Variants in CD8A observed in about 807,000 individuals in gnomAD.
The protein encoded by CD8A is CD8 subunit alpha.
In CD8A, 25 loss-of-function variants were observed where a neutral mutation model predicts 24.2. The observed-to-expected ratio is 1.03, with a 90% CI of 0.75 to 1.44. CD8A has a LOEUF of 1.44. Ranked by LOEUF, CD8A falls within the 40% of genes most tolerant of loss-of-function variation. The pLI is 0.00. For missense variants in CD8A, 360 were observed against 319.7 expected, an observed-to-expected ratio of 1.13 and a Z score of -0.96; for synonymous variants, 165 against 149.9, an observed-to-expected ratio of 1.10 and a Z score of -0.74.
rs557262922 is a variant in CD8A, at chr2:86,785,679, C to T, written c.*241G>A. 7.3e-5 allele frequency: 50 copies of T among 682,758 alleles called. No individual in the cohort carries two copies. The South Asian group carries it at 7.3e-4, about 10-fold the overall frequency. The allele number at this position is 682,758 out of a possible 1,614,324, so 42.3% of individuals were successfully genotyped here. ...TAGCTCTGGCCTGCCCCTTTCCACG[C>T]CCTACCGCGATGTGCGCACAACAGT... On this transcript the variant is annotated 3_prime_UTR_variant, in exon 6 of 6. Coordinates refer to ENST00000283635, the MANE Select transcript of CD8A (RefSeq NM_001768.7).
chr2:86,792,585 C>T (rs1297386342), upstream of CD8A, among the ~76,000 whole-genome samples: 4 of 152,058 alleles, frequency 2.6e-5, no homozygotes, highest in Non-Finnish European at 4.4e-5. Context: ...GCCTCTACCT[C>T]CCAGGCTCAA....
chr2:86,793,299 T>G (rs1438837484), upstream of CD8A, among the ~76,000 whole-genome samples: 1 of 152,220 alleles, frequency 6.6e-6, no homozygotes, highest in Non-Finnish European at 1.5e-5. Flanking sequence ...GTAGATATAA[T>G]GTATCTGTAT....
chr2:86,787,884 GGA>G (rs142344123), intron 5 of CD8A, among the ~76,000 whole-genome samples: 55 of 144,684 alleles, frequency 3.8e-4, no homozygotes, highest in Admixed American at 3.2e-3. Context: ...TAACAGAGAG[GGA>G]GAGAGAGAGA....
At chr2:86,793,395 A>G (rs932220017), upstream of CD8A, among the ~76,000 whole-genome samples, 5 of 152,218 alleles carry the variant, frequency 3.3e-5, no homozygotes, top group African/African-American at 1.2e-4. Context: ...AATGATGGTT[A>G]TAACTGGCCT....
At position 86,785,509 on chromosome 2, in the gene CD8A, T is replaced by C. The variant is rs1382928996; in HGVS notation, c.*411A>G. 2.2e-6 allele frequency: 1 copy of C among 463,686 alleles called. No individual in the cohort carries two copies. Among genetic ancestry groups the C allele is most frequent in the African/African-American group, 2.0e-5 (1 of 50,396 alleles). The allele number at this position is 463,686 out of a possible 1,614,324, so 28.7% of individuals were successfully genotyped here. On this transcript the variant is annotated 3_prime_UTR_variant, in exon 6 of 6. Coordinates refer to ENST00000283635, the MANE Select transcript of CD8A (RefSeq NM_001768.7). ...AGCTGGGAGACAAGGTCCCTCCAGC[T>C]ACTGCTCCAACCCTGACTTGCTGTG...
chr2:86,804,001 C>G (rs1339156099), intron 2 of CD8A, among the ~76,000 whole-genome samples: 1 of 152,160 alleles, frequency 6.6e-6, no homozygotes, highest in Admixed American at 6.5e-5. Context: ...AATATGAAGA[C>G]TACAATTAAT....
chr2:86,789,634 C>A lies in CD8A; in HGVS notation c.514+6G>T, dbSNP rs947086919. The A allele has an allele frequency of 1.3e-6, 2 of 1,491,370 alleles. No individual in the cohort carries two copies. The highest frequency in any genetic ancestry group is 1.8e-6 in the Non-Finnish European group (2 of 1,122,870). 92.4% of individuals were successfully genotyped at this position (1,491,370 alleles called of 1,614,324 possible). A position where few individuals can be genotyped will look rare whatever the true frequency, so the allele number is the denominator to read the frequency against. ...CGCCCCCGCCCCGGGCCCCCGCACG[C>A]CTCACCTGCGCCCCCCGCCGCTGGC... is the stretch of plus-strand genomic sequence containing the variant. On this transcript the variant is annotated splice_donor_region_variant and intron_variant, in intron 3 of 5. Coordinates refer to ENST00000283635, the MANE Select transcript of CD8A (RefSeq NM_001768.7).
intron 3 of CD8A, among the ~76,000 whole-genome samples, chr2:86,797,889 A>C (rs1362780086): frequency 6.6e-6 from 1 of 152,204 alleles, no homozygotes; most frequent in Non-Finnish European, 1.5e-5. Context: ...TTATGACAGA[A>C]AGATGGTAAG....
chr2:86,787,521 G>A (rs1426399828), intron 5 of CD8A, among the ~76,000 whole-genome samples: 2 of 152,036 alleles, frequency 1.3e-5, no homozygotes, highest in South Asian at 2.1e-4. Context: ...TGCAGCTCCC[G>A]GGCAGTATGA....
At chr2:86,800,773 T>C (rs561117289) in intron 3 of CD8A, among the ~76,000 whole-genome samples, 1 of 152,308 alleles carries the variant, frequency 6.6e-6, no homozygotes, top group Non-Finnish European at 1.5e-5. Context: ...TTGGCAACTA[T>C]CACAGGTTGA....
chr2:86,789,300 C>T (rs1673160707), intron 4 of CD8A, 23 bp downstream of exon 4: 6 of 1,492,982 alleles, frequency 4.0e-6, no homozygotes, highest in African/African-American at 1.4e-5. Flanking sequence ...GACTCCTTCC[C>T]GCCGCGATTC....
upstream of CD8A, among the ~76,000 whole-genome samples, chr2:86,792,869 A>T (rs1363279884): frequency 1.3e-5 from 2 of 151,842 alleles, no homozygotes; most frequent in African/African-American, 4.8e-5. Context: ...AAAGCATCCA[A>T]GATGCTTATT....
At chr2:86,805,325 T>C (rs1673811125) in intron 2 of CD8A, among the ~76,000 whole-genome samples, 1 of 152,206 alleles carries the variant, frequency 6.6e-6, no homozygotes, top group African/African-American at 2.4e-5. Flanking sequence ...GGTGTTTTCC[T>C]GGAAAAGGAA....
chr2:86,806,101 G>T (rs920865220), intron 2 of CD8A, among the ~76,000 whole-genome samples: 2 of 152,104 alleles, frequency 1.3e-5, no homozygotes, highest in African/African-American at 4.8e-5. Context: ...TGCTGGCCTG[G>T]GATCCATGAA....
chr2:86,805,249 T>TAA (rs1673808856), intron 2 of CD8A, among the ~76,000 whole-genome samples: 1 of 152,202 alleles, frequency 6.6e-6, no homozygotes, highest in Non-Finnish European at 1.5e-5. Flanking sequence ...TTTGCTGTTA[T>TAA]AAGCTAAACT....
In CD8A at chr2:86,785,157, A is replaced by G; in HGVS notation, c.*763T>C. The G allele has an allele frequency of 2.2e-6, 1 of 454,030 alleles. No individual in the cohort carries two copies. The highest frequency in any genetic ancestry group is 2.0e-5 in the African/African-American group (1 of 50,108). The allele number at this position is 454,030 out of a possible 1,614,324, so 28.1% of individuals were successfully genotyped here. ...CTGCAATGCAAGGGCTGGGAGAGCA[A>G]TTCCGCCTCCACATAGGGGTTTCAC... On this transcript the variant is annotated 3_prime_UTR_variant, in exon 6 of 6. Transcript: ENST00000283635.
intron 3 of CD8A, among the ~76,000 whole-genome samples, chr2:86,799,476 G>A (rs1673589030): frequency 6.6e-6 from 1 of 152,184 alleles, no homozygotes; most frequent in Non-Finnish European, 1.5e-5. Context: ...TCATCTGGGG[G>A]CCGGGCACGG....
At chr2:86,795,596 C>G (rs1673456134), upstream of CD8A, among the ~76,000 whole-genome samples, 1 of 152,148 alleles carries the variant, frequency 6.6e-6, no homozygotes, top group African/African-American at 2.4e-5. Context: ...ATTCTTGGGC[C>G]TGGGTCTTGA....
At chr2:86,787,744 G>C (rs368975372) in intron 5 of CD8A, among the ~76,000 whole-genome samples, 1 of 152,200 alleles carries the variant, frequency 6.6e-6, no homozygotes, top group Non-Finnish European at 1.5e-5. Context: ...TGAGCCATGA[G>C]ATGGCACAAA....
Sources: allele counts gnomAD v4.1 joint callset (sites outside exome capture counted in the v4.1 genomes callset), GRCh38; gene constraint gnomAD v4.1.1; transcripts MANE v1.5; gene names NCBI Gene and HGNC (gene_info 2026-07-23, HGNC 2026-07-21).